NCAM2: variants seen among roughly 807,000 people sequenced by gnomAD.
The protein encoded by NCAM2 is N-CAM-2.
In NCAM2, 30 loss-of-function variants were observed where a neutral mutation model predicts 98.1. That is an observed-to-expected ratio of 0.31 (90% CI 0.23 to 0.41). NCAM2 has a LOEUF of 0.41. Among genes scored for constraint, NCAM2 ranks in the 10% least tolerant of loss-of-function variants. NCAM2 has a pLI of 1.00. For synonymous variants in NCAM2, 368 were observed against 342.4 expected (o/e 1.07, Z -0.83); for missense variants, 867 against 1,005.8 (o/e 0.86, Z 1.87).
intron 16 of NCAM2, among the ~76,000 whole-genome samples, chr21:21,527,948 A>G (rs2146407397): frequency 6.6e-6 from 1 of 152,348 alleles, no homozygotes; most frequent in Non-Finnish European, 1.5e-5. Flanking sequence ...AGCAATTAAA[A>G]CATCCTTCAG....
chr21:21,123,425 T>C (rs998091821), intron 1 of NCAM2, among the ~76,000 whole-genome samples: 1 of 151,624 alleles, frequency 6.6e-6, no homozygotes, highest in Admixed American at 6.6e-5. Flanking sequence ...TTTTGCTATG[T>C]GAAATGCAGA....
intron 9 of NCAM2, among the ~76,000 whole-genome samples, chr21:21,374,243 A>G (rs2075982643): frequency 6.6e-6 from 1 of 151,814 alleles, no homozygotes; most frequent in African/African-American, 2.4e-5. Flanking sequence ...TTTCCTGAAA[A>G]TGGTCTTTCT....
At chr21:21,199,374 A>G (rs1465108838) in intron 1 of NCAM2, among the ~76,000 whole-genome samples, 1 of 152,182 alleles carries the variant, frequency 6.6e-6, no homozygotes, top group Non-Finnish European at 1.5e-5. Context: ...TTACAACCAT[A>G]TCTAAAATAT....
At chr21:21,293,234 T>C (rs911904126) in intron 5 of NCAM2, among the ~76,000 whole-genome samples, 1 of 151,908 alleles carries the variant, frequency 6.6e-6, no homozygotes, top group Admixed American at 6.6e-5. Flanking sequence ...TTAACATCTC[T>C]CAAACATACT....
chr21:21,533,707 A>G (rs897937405), intron 16 of NCAM2, among the ~76,000 whole-genome samples: 3 of 149,810 alleles, frequency 2.0e-5, no homozygotes, highest in Admixed American at 6.7e-5. Context: ...CTCATGCCCA[A>G]TTCTTCTGTC....
intron 1 of NCAM2, among the ~76,000 whole-genome samples, chr21:21,180,086 C>T (rs931514636): frequency 5.9e-5 from 9 of 152,096 alleles, no homozygotes; most frequent in Non-Finnish European, 1.2e-4. Flanking sequence ...TGTCCTTCCT[C>T]TTGGCTTCTC....
intron 9 of NCAM2, among the ~76,000 whole-genome samples, chr21:21,401,992 T>C (rs575612615): frequency 7.9e-5 from 12 of 152,158 alleles, no homozygotes; most frequent in Non-Finnish European, 1.6e-4. Flanking sequence ...AATCCTGTTA[T>C]CTTCGTAAGC....
In NCAM2 at chr21:21,060,780, A is replaced by C. The variant is rs951099041; in HGVS notation, c.55+62162A>C. Among the ~76,000 whole-genome samples, 79 of 152,226 alleles carry C rather than the reference A, an allele frequency of 5.2e-4. 1 individual carries two copies. The highest frequency in any genetic ancestry group is 3.4e-3 in the Middle Eastern group (1 of 294). On this transcript the variant is annotated intron_variant, in intron 1 of 17. Transcript: ENST00000400546. Reference sequence around the variant, plus strand: ...TTAACCTATTTGTTGGCTTATTTTAATTGAGCTTAGAGCAGGTACAGTGGA... The same window carrying C: ...TTAACCTATTTGTTGGCTTATTTTACTTGAGCTTAGAGCAGGTACAGTGGA...
At chr21:21,488,240 A>C (rs916902382) in intron 15 of NCAM2, among the ~76,000 whole-genome samples, 2 of 150,752 alleles carry the variant, frequency 1.3e-5, no homozygotes, top group Non-Finnish European at 3.0e-5. Flanking sequence ...CACATGTTAC[A>C]CACAATAATA....
intron 11 of NCAM2, among the ~76,000 whole-genome samples, chr21:21,418,778 G>A (rs1041164919): frequency 6.6e-6 from 1 of 152,104 alleles, no homozygotes; most frequent in East Asian, 1.9e-4. Flanking sequence ...TAAAACTACA[G>A]TTGATTACAA....
At position 21,353,267 on chromosome 21, in the gene NCAM2, A is replaced by G. The variant is rs555888160; in HGVS notation, c.1044+14733A>G. Among the ~76,000 whole-genome samples, 18 of 152,322 alleles carry G rather than the reference A, an allele frequency of 1.2e-4. No individual in the cohort carries two copies. The South Asian group carries it at 2.1e-3, about 18-fold the overall frequency. ...CCTATGTACTTTATGATGGAATACCATCTAAAAAATGACTGAGTCTTCTAC... is the reference window on the plus strand; with the variant it reads ...CCTATGTACTTTATGATGGAATACCGTCTAAAAAATGACTGAGTCTTCTAC... On this transcript the variant is annotated intron_variant, in intron 8 of 17. Coordinates refer to ENST00000400546, the MANE Select transcript of NCAM2 (RefSeq NM_004540.5).
intron 1 of NCAM2, among the ~76,000 whole-genome samples, chr21:21,261,705 C>A (rs1356046789): frequency 2.6e-5 from 4 of 152,008 alleles, no homozygotes; most frequent in Non-Finnish European, 5.9e-5. Flanking sequence ...TGGGATACAG[C>A]AAAAGTTGTG....
chr21:21,397,158 C>T (rs1342795333), intron 9 of NCAM2, among the ~76,000 whole-genome samples: 4 of 152,124 alleles, frequency 2.6e-5, no homozygotes, highest in African/African-American at 7.2e-5. Flanking sequence ...TTTATGGGCT[C>T]AGAGGGAGGA....
At chr21:21,500,297 A>G (rs1987543660) in intron 15 of NCAM2, among the ~76,000 whole-genome samples, 2 of 152,292 alleles carry the variant, frequency 1.3e-5, no homozygotes, top group South Asian at 4.1e-4. Flanking sequence ...GGAAACCTCA[A>G]AAGTACAAAC....
intron 1 of NCAM2, among the ~76,000 whole-genome samples, chr21:21,236,754 ATATG>A (rs1421847801): frequency 9.8e-5 from 4 of 40,896 alleles, no homozygotes; most frequent in Admixed American, 3.2e-4. Flanking sequence ...AAATCAGTAC[ATATG>A]TGTGTGTGTG....
chr21:21,514,721 A>G (rs572237698), intron 16 of NCAM2, among the ~76,000 whole-genome samples: 277 of 152,290 alleles, frequency 1.8e-3, no homozygotes, highest in Non-Finnish European at 3.4e-3. Context: ...TGTTTAGAAA[A>G]TAGCACTAGT....
chr21:21,509,187 T>C, intron 16 of NCAM2, 132 bp downstream of exon 16: 1 of 732,234 alleles, frequency 1.4e-6, no homozygotes, highest in Non-Finnish European at 2.2e-6. Flanking sequence ...GACACTGCAC[T>C]GCCTGCTCTC....
At chr21:21,029,114 C>T (rs2064616464) in intron 1 of NCAM2, among the ~76,000 whole-genome samples, 5 of 151,940 alleles carry the variant, frequency 3.3e-5, no homozygotes, top group African/African-American at 4.8e-5. Context: ...TAAACAGAAA[C>T]CCACAATCTT....
intron 1 of NCAM2, among the ~76,000 whole-genome samples, chr21:21,080,444 C>A (rs1401226719): frequency 6.6e-6 from 1 of 151,662 alleles, no homozygotes; most frequent in Non-Finnish European, 1.5e-5. Context: ...TGGAGAAACC[C>A]CATCTCCACT....
Sources: allele counts gnomAD v4.1 joint callset (sites outside exome capture counted in the v4.1 genomes callset), GRCh38; gene constraint gnomAD v4.1.1; transcripts MANE v1.5; gene names NCBI Gene and HGNC (gene_info 2026-07-23, HGNC 2026-07-21).